Variants in ECT2 observed in about 807,000 individuals in gnomAD.
ECT2 encodes epithelial cell transforming 2, also known as protein ECT2.
ECT2 carries 61 observed loss-of-function variants against 116.9 expected under a neutral mutation model. The observed-to-expected ratio is 0.52, with a 90% confidence interval of 0.42 to 0.65. The LOEUF is 0.65. Ranked by LOEUF, ECT2 falls within the 30% of genes least tolerant of loss-of-function variation. ECT2 has a pLI of 0.00. For synonymous variants in ECT2, 358 were observed against 346.4 expected (o/e 1.03, Z -0.37); for missense variants, 937 against 1,078.7 (o/e 0.87, Z 1.84).
At chr3:172,764,164 A>G in intron 11 of ECT2, 114 bp from the exon 12 acceptor site, 2 of 911,108 alleles carry the variant, frequency 2.2e-6, no homozygotes, top group East Asian at 2.6e-5. Context: ...GTAGGGTTAT[A>G]AAATTATTGT....
At chr3:172,810,937 T>C (rs1394360096) in intron 22 of ECT2, among the ~76,000 whole-genome samples, 2 of 152,156 alleles carry the variant, frequency 1.3e-5, no homozygotes, top group Admixed American at 6.6e-5. Context: ...TGGAGTTGAT[T>C]GAAAAACTCC....
At chr3:172,754,276 C>G (rs1001935628) in intron 1 of ECT2, among the ~76,000 whole-genome samples, 1 of 151,976 alleles carries the variant, frequency 6.6e-6, no homozygotes, top group Non-Finnish European at 1.5e-5. Context: ...TAGTAATGTT[C>G]TATGTGCTTT....
Position 172,815,202 on chromosome 3 carries a change from T to C in ECT2, c.2401-402T>C, listed in dbSNP as rs577618014. Among the ~76,000 whole-genome samples, 19 of 152,304 alleles carry C rather than the reference T, an allele frequency of 1.2e-4. No individual in the cohort carries two copies. The South Asian group carries it at 3.9e-3, about 32-fold the overall frequency. On this transcript the variant is annotated intron_variant, in intron 22 of 24. Transcript: ENST00000392692. ...GATTTAGAATCCTTACAAATGCTGA[T>C]TGAGGACAAAAGGGTAAAGTAGGAG... is the stretch of plus-strand genomic sequence containing the variant.
At chr3:172,782,280 A>C in intron 15 of ECT2, 49 bp downstream of exon 15, 118 of 1,134,278 alleles carry the variant, frequency 1.0e-4, no homozygotes, top group Non-Finnish European at 1.4e-4. Context: ...ATATGATCTC[A>C]TCAAGGACTG....
At chr3:172,764,852 A>C (rs1719024535) in intron 12 of ECT2, among the ~76,000 whole-genome samples, 1 of 152,198 alleles carries the variant, frequency 6.6e-6, no homozygotes, top group South Asian at 2.1e-4. Context: ...AGGGGAGGTC[A>C]CATAAATTAT....
chr3:172,762,521 T>C lies in ECT2; in HGVS notation c.864T>C (p.Asn288=), dbSNP rs1358005933. The C allele has an allele frequency of 6.3e-7, 1 of 1,595,204 alleles. No homozygotes were observed. The change falls in exon 9 of 25, where the codon AAT becomes AAC. Residue 288 remains asparagine, a synonymous_variant. Transcript: ENST00000392692. ...GATTTTCAGATGAAGAGAAAACCAATATGGAAGAAATGACTGAAATGCAAG... is the reference window on the plus strand; with the variant it reads ...GATTTTCAGATGAAGAGAAAACCAACATGGAAGAAATGACTGAAATGCAAG... ...FLGFSDEEKT[N]MEEMTEMQGG...
chr3:172,791,444 CTGT>C (rs1724648106), intron 18 of ECT2, among the ~76,000 whole-genome samples: 1 of 152,202 alleles, frequency 6.6e-6, no homozygotes, highest in Non-Finnish European at 1.5e-5. Flanking sequence ...CACTGAAAAT[CTGT>C]TGTTTATTAT....
At chr3:172,794,861 C>T (rs1379689194) in intron 18 of ECT2, among the ~76,000 whole-genome samples, 4 of 151,858 alleles carry the variant, frequency 2.6e-5, no homozygotes, top group African/African-American at 7.3e-5. Context: ...ACTACAGGTG[C>T]GCACCATCAC....
chr3:172,784,545 C>T (rs909977154), intron 16 of ECT2, among the ~76,000 whole-genome samples, 162 bp from the exon 17 acceptor site: 6 of 152,002 alleles, frequency 3.9e-5, no homozygotes, highest in African/African-American at 1.4e-4. Context: ...CATTTCAGGC[C>T]CTGAAAAATT....
At chr3:172,773,630 A>G (rs1339743419) in intron 13 of ECT2, among the ~76,000 whole-genome samples, 2 of 152,214 alleles carry the variant, frequency 1.3e-5, no homozygotes, top group East Asian at 3.8e-4. Flanking sequence ...TCATACTAAC[A>G]ATTTTAATGA....
intron 22 of ECT2, among the ~76,000 whole-genome samples, chr3:172,813,250 A>G (rs995385437): frequency 6.6e-6 from 1 of 152,144 alleles, no homozygotes; most frequent in Non-Finnish European, 1.5e-5. Flanking sequence ...AAAATTTGAT[A>G]TAAAATATCT....
At chr3:172,815,749 A>C in intron 23 of ECT2, 38 bp downstream of exon 23, 2 of 1,277,570 alleles carry the variant, frequency 1.6e-6, no homozygotes, top group Non-Finnish European at 2.2e-6. Context: ...CACATCTCTA[A>C]CATATTTTCC....
downstream of ECT2, among the ~76,000 whole-genome samples, chr3:172,824,581 A>G (rs1035813095): frequency 6.6e-6 from 1 of 152,234 alleles, no homozygotes; most frequent in African/African-American, 2.4e-5. Context: ...ACACAGATCC[A>G]AACCATATCA....
Position 172,754,572 on chromosome 3 carries a change from T to C in ECT2, c.42T>C (p.Thr14=), listed in dbSNP as rs752652600. ...TATTAACATCCACTACTGGGAGGAC[T>C]AGCTTGGCAGACTCTTCCATTTTTG... ...NSVLTSTTGR[T]SLADSSIFDS... is the part of the protein sequence containing the mutation. Residue 14 remains threonine, a synonymous_variant, in exon 2 of 25, where the codon ACT becomes ACC. Coordinates refer to ENST00000392692, the MANE Select transcript of ECT2 (RefSeq NM_001258315.2). The C allele has an allele frequency of 6.2e-7, 1 of 1,611,766 alleles. No homozygotes were observed. Among genetic ancestry groups the C allele is most frequent in the Non-Finnish European group, 8.5e-7 (1 of 1,178,802 alleles).
At chr3:172,771,748 C>T (rs988742724) in intron 13 of ECT2, among the ~76,000 whole-genome samples, 1 of 152,140 alleles carries the variant, frequency 6.6e-6, no homozygotes, top group Non-Finnish European at 1.5e-5. Flanking sequence ...GAGGCTATTT[C>T]AGCAGTTGGG....
chr3:172,823,475 G>T (rs1187275769), downstream of ECT2, among the ~76,000 whole-genome samples: 1 of 152,160 alleles, frequency 6.6e-6, no homozygotes, highest in African/African-American at 2.4e-5. Context: ...TGGTGGGGCT[G>T]TAGGTAAATG....
intron 14 of ECT2, among the ~76,000 whole-genome samples, chr3:172,777,968 T>G (rs1215237740): frequency 1.3e-5 from 2 of 152,202 alleles, no homozygotes; most frequent in Admixed American, 1.3e-4. Flanking sequence ...TATATATATC[T>G]GTTGTTATTT....
At chr3:172,815,995 C>T (rs1434173552) in intron 23 of ECT2, among the ~76,000 whole-genome samples, 1 of 152,096 alleles carries the variant, frequency 6.6e-6, no homozygotes, top group Non-Finnish European at 1.5e-5. Context: ...TGTGTGCACT[C>T]ATCTTAAATA....
intron 24 of ECT2, among the ~76,000 whole-genome samples, chr3:172,819,533 T>G (rs1021678481): frequency 2.0e-5 from 3 of 152,058 alleles, no homozygotes; most frequent in Non-Finnish European, 2.9e-5. Context: ...TTTTTAGAGA[T>G]GGGGGTCTTG....
Sources: gnomAD v4.1 joint callset for allele counts (sites outside exome capture counted in the v4.1 genomes callset) on GRCh38, gnomAD v4.1.1 for gene constraint, MANE v1.5 for transcripts, NCBI Gene and HGNC (gene_info 2026-07-23, HGNC 2026-07-21) for gene names.